ABRACL: variants seen among roughly 807,000 people sequenced by gnomAD.
ABRACL encodes ABRA C-terminal like.
A neutral mutation model predicts 7.0 loss-of-function variants in ABRACL; 4 were observed. The observed-to-expected ratio is 0.57, with a 90% confidence interval of 0.28 to 1.30. The LOEUF (loss-of-function observed/expected upper bound fraction) is 1.30. Among genes scored for constraint, ABRACL ranks in the 50% most tolerant of loss-of-function variants. The pLI is 0.10. For missense variants in ABRACL, 104 were observed against 97.3 expected, an observed-to-expected ratio of 1.07 and a Z score of -0.29; for synonymous variants, 30 against 36.0, an observed-to-expected ratio of 0.83 and a Z score of 0.60.
At chr6:139,034,766 A>G (rs559929206) in intron 2 of ABRACL, among the ~76,000 whole-genome samples, 2 of 152,318 alleles carry the variant, frequency 1.3e-5, no homozygotes, top group Admixed American at 6.5e-5. Flanking sequence ...ATCATCCTTT[A>G]GGTAGTGTTT....
chr6:139,034,951 T>C (rs947459976), intron 2 of ABRACL, among the ~76,000 whole-genome samples: 1 of 152,292 alleles, frequency 6.6e-6, no homozygotes, highest in African/African-American at 2.4e-5. Flanking sequence ...TTGGGGGGCA[T>C]TTTGAAAATA....
chr6:139,036,428 A>T (rs1000303029), intron 2 of ABRACL, among the ~76,000 whole-genome samples: 1 of 152,048 alleles, frequency 6.6e-6, no homozygotes, highest in Non-Finnish European at 1.5e-5. Flanking sequence ...TCTTCCTACT[A>T]TTCCCTCTTT....
chr6:139,034,977 A>G (rs1582899745), intron 2 of ABRACL, among the ~76,000 whole-genome samples: 1 of 152,228 alleles, frequency 6.6e-6, no homozygotes, highest in African/African-American at 2.4e-5. Context: ...AATAATAGAC[A>G]TATTCAGCAA....
rs1244439191 is a variant in ABRACL at position 139,042,886 on chromosome 6, A to G, written c.229A>G (p.Ile77Val). ...LQGVHDDVDI[I>V]LLQD ...AGGTGTTCATGATGATGTTGACATT[A>G]TATTACTGCAAGATTAATGTGGTTT... Residue 77 changes from isoleucine to valine, a missense_variant, in exon 3 of 3, where the codon ATA becomes GTA. Transcript: ENST00000367660. 1.2e-6 allele frequency: 2 copies of G among 1,610,122 alleles called. No homozygotes were observed. Among genetic ancestry groups the G allele is most frequent in the South Asian group, 2.2e-5 (2 of 89,986 alleles).
chr6:139,034,800 G>A (rs1187920709), intron 2 of ABRACL, among the ~76,000 whole-genome samples: 1 of 152,044 alleles, frequency 6.6e-6, no homozygotes, highest in Non-Finnish European at 1.5e-5. Context: ...TTTTTCTTCA[G>A]CAATAACTAG....
At chr6:139,037,412 G>C (rs1375444223) in intron 2 of ABRACL, among the ~76,000 whole-genome samples, 1 of 151,886 alleles carries the variant, frequency 6.6e-6, no homozygotes, top group African/African-American at 2.4e-5. Flanking sequence ...AGGTGTCCAC[G>C]ACCACGCCTG....
intron 2 of ABRACL, among the ~76,000 whole-genome samples, chr6:139,042,234 T>G (rs139303133): frequency 1.3e-5 from 2 of 152,212 alleles, no homozygotes; most frequent in African/African-American, 4.8e-5. Context: ...AGTCTACTAC[T>G]GGGAATTCAG....
intron 2 of ABRACL, among the ~76,000 whole-genome samples, chr6:139,042,037 G>A (rs1786260961): frequency 6.6e-6 from 1 of 152,190 alleles, no homozygotes; most frequent in South Asian, 2.1e-4. Flanking sequence ...CAGGGATTCA[G>A]TCAAGTGGTC....
At chr6:139,031,080 G>A (rs1195399599) in intron 1 of ABRACL, among the ~76,000 whole-genome samples, 1 of 152,210 alleles carries the variant, frequency 6.6e-6, no homozygotes, top group Non-Finnish European at 1.5e-5. Flanking sequence ...AGGAAGGAGC[G>A]AAGAAGGGTG....
At chr6:139,036,604 A>G (rs1164791193) in intron 2 of ABRACL, among the ~76,000 whole-genome samples, 1 of 152,186 alleles carries the variant, frequency 6.6e-6, no homozygotes, top group East Asian at 1.9e-4. Flanking sequence ...TTGAGTATCT[A>G]TATATGCTAA....
Position 139,042,914 on chromosome 6 carries a change from A to G in ABRACL, c.*11A>G. Reference sequence around the variant, plus strand: ...TTACTGCAAGATTAATGTGGTTTACATATCTTTATGTACTGCCATTTTTTG... The same window carrying G: ...TTACTGCAAGATTAATGTGGTTTACGTATCTTTATGTACTGCCATTTTTTG... On this transcript the variant is annotated 3_prime_UTR_variant, in exon 3 of 3. Transcript: ENST00000367660. 2 of 1,591,836 alleles carry G rather than the reference A, an allele frequency of 1.3e-6. No homozygotes were observed. Among genetic ancestry groups the G allele is most frequent in the Non-Finnish European group, 1.7e-6 (2 of 1,169,264 alleles).
At chr6:139,041,427 C>T (rs1786242209) in intron 2 of ABRACL, among the ~76,000 whole-genome samples, 1 of 60,856 alleles carries the variant, frequency 1.6e-5, no homozygotes, top group South Asian at 6.3e-4. Flanking sequence ...CCAGACCCAT[C>T]TCTCTCTCTC....
At chr6:139,041,443 CTCTCTCTCTA>C (rs1352906014) in intron 2 of ABRACL, among the ~76,000 whole-genome samples, 2 of 70,380 alleles carry the variant, frequency 2.8e-5, no homozygotes, top group African/African-American at 4.0e-5. Context: ...CTCTCTCTCT[CTCTCTCTCTA>C]TATATATATA....
chr6:139,035,923 AACCCTGTCTCT>A (rs1235804913), intron 2 of ABRACL, among the ~76,000 whole-genome samples: 1 of 144,944 alleles, frequency 6.9e-6, no homozygotes, highest in East Asian at 2.3e-4. Flanking sequence ...AACATGGTGA[AACCCTGTCTCT>A]ACTAAAGATA....
chr6:139,035,332 A>T (rs1786137531), intron 2 of ABRACL, among the ~76,000 whole-genome samples: 1 of 151,608 alleles, frequency 6.6e-6, no homozygotes, highest in African/African-American at 2.4e-5. Flanking sequence ...TTGGCCGGGG[A>T]CTCCTTTCTA....
chr6:139,036,019 G>A (rs1177701979), intron 2 of ABRACL, among the ~76,000 whole-genome samples: 7 of 151,904 alleles, frequency 4.6e-5, no homozygotes, highest in East Asian at 2.0e-4. Context: ...CAGGAGAATC[G>A]CTTGAACTCG....
chr6:139,030,903 GTAAT>G (rs1786073059), intron 1 of ABRACL, among the ~76,000 whole-genome samples: 1 of 152,304 alleles, frequency 6.6e-6, no homozygotes, highest in Middle Eastern at 3.4e-3. Context: ...AGCCTGATGT[GTAAT>G]TAATTATAAA....
chr6:139,031,406 GT>G (rs145439820), intron 1 of ABRACL, among the ~76,000 whole-genome samples: 1 of 152,124 alleles, frequency 6.6e-6, no homozygotes, highest in Admixed American at 6.5e-5. Flanking sequence ...AAGAGCTTTA[GT>G]TTTTTTTGTT....
intron 1 of ABRACL, among the ~76,000 whole-genome samples, chr6:139,031,048 G>C (rs1046507960): frequency 2.3e-4 from 35 of 152,220 alleles, no homozygotes; most frequent in African/African-American, 7.7e-4. Context: ...AGCTAAGTCT[G>C]AAGTATGTTG....
Sources: allele counts gnomAD v4.1 joint callset (sites outside exome capture counted in the v4.1 genomes callset), GRCh38; gene constraint gnomAD v4.1.1; transcripts MANE v1.5; gene names NCBI Gene and HGNC (gene_info 2026-07-23, HGNC 2026-07-21).